MTDH: variants seen among roughly 807,000 people sequenced by gnomAD.
MTDH encodes metadherin.
In MTDH, 34 loss-of-function variants were observed where a neutral mutation model predicts 72.7. The ratio of observed to expected loss-of-function variants is 0.47; its 90% confidence interval spans 0.36 to 0.62. The LOEUF (loss-of-function observed/expected upper bound fraction) is 0.62, where lower values mean the gene tolerates loss of function less well. MTDH is among the 20% of genes least tolerant of loss of function. MTDH has a pLI of 0.00. For synonymous variants in MTDH, 266 were observed against 268.9 expected, an observed-to-expected ratio of 0.99 and a Z score of 0.10; for missense variants, 677 against 699.4, an observed-to-expected ratio of 0.97 and a Z score of 0.36.
rs1812165315 is a variant in MTDH at position 97,661,320 on chromosome 8, G to T, written c.483+147G>T. 12 of 539,540 alleles carry T rather than the reference G, an allele frequency of 2.2e-5. No individual in the cohort carries two copies. In the East Asian group the frequency reaches 3.7e-4, roughly 17 times the overall value. The allele number at this position is 539,540 out of a possible 1,614,324, so 33.4% of individuals were successfully genotyped here. The stretch of plus-strand genomic sequence containing the variant: ...CTGAATTAACCATAGTGGATGGGTG[G>T]TAAAAGTTTAACTGAGTTGTTTTTG... On this transcript the variant is annotated intron_variant, in intron 2 of 11. Coordinates refer to ENST00000336273, the MANE Select transcript of MTDH (RefSeq NM_178812.4).
At chr8:97,703,487 A>G (rs1814221048) in intron 7 of MTDH, among the ~76,000 whole-genome samples, 2 of 152,320 alleles carry the variant, frequency 1.3e-5, no homozygotes, top group Non-Finnish European at 1.5e-5. Flanking sequence ...CTTCTGCTTA[A>G]TAGTTTCTTT....
intron 2 of MTDH, among the ~76,000 whole-genome samples, chr8:97,682,590 C>T (rs935519330): frequency 1.3e-5 from 2 of 151,540 alleles, no homozygotes; most frequent in Admixed American, 6.6e-5. Context: ...CGTGAGCCAC[C>T]GCACCTGGCC....
At chr8:97,722,846 C>A in intron 10 of MTDH, 33 bp from the exon 11 acceptor site, 1 of 1,570,850 alleles carries the variant, frequency 6.4e-7, no homozygotes, top group East Asian at 2.3e-5. Context: ...AAAATTTCAC[C>A]AAAAAACCTG....
At chr8:97,717,099 T>A (rs540544855) in intron 9 of MTDH, among the ~76,000 whole-genome samples, 1 of 152,324 alleles carries the variant, frequency 6.6e-6, no homozygotes, top group East Asian at 1.9e-4. Flanking sequence ...TGAAAAACTT[T>A]GTAAGATTAC....
At chr8:97,657,447 G>T (rs907215582) in intron 1 of MTDH, among the ~76,000 whole-genome samples, 2 of 152,086 alleles carry the variant, frequency 1.3e-5, no homozygotes, top group African/African-American at 4.8e-5. Context: ...TCTGTAGAAA[G>T]CCACCATATA....
At position 97,722,930 on chromosome 8, in the gene MTDH, T is replaced by C. The variant is rs1402623542; in HGVS notation, c.1573T>C (p.Ser525Pro). ...TTCTACCGAGCCATCTGTAATCTTA[T>C]CAAAAAGTGATTCTGACAAGAGCTC... ...ATSTEPSVIL[S>P]KSDSDKSSSQ... is the part of the protein sequence containing the mutation. Residue 525 changes from serine (S) to proline (P), a missense_variant, in exon 11 of 12, where the codon TCA (serine) becomes CCA (proline). Physicochemically the swap from Ser to Pro is moderately conservative, Grantham distance 74. Transcript: ENST00000336273. The C allele has an allele frequency of 4.3e-6, 7 of 1,613,950 alleles. No homozygotes were observed. The highest frequency in any genetic ancestry group is 4.0e-5 in the African/African-American group (3 of 74,922).
At chr8:97,700,182 T>G (rs1291481232) in intron 7 of MTDH, among the ~76,000 whole-genome samples, 1 of 152,200 alleles carries the variant, frequency 6.6e-6, no homozygotes, top group Non-Finnish European at 1.5e-5. Context: ...AGAAATGGCT[T>G]TGTATTTGTG....
At chr8:97,645,020 G>A (rs1811510411) in intron 1 of MTDH, 133 bp downstream of exon 1, 1 of 1,019,322 alleles carries the variant, frequency 9.8e-7, no homozygotes, top group Non-Finnish European at 1.4e-6. Flanking sequence ...GCACTCCCAA[G>A]TGGAGGAGGA....
At chr8:97,698,585 A>G (rs1458041915) in intron 6 of MTDH, among the ~76,000 whole-genome samples, 1 of 152,176 alleles carries the variant, frequency 6.6e-6, no homozygotes, top group Non-Finnish European at 1.5e-5. Context: ...CTTTAAATGC[A>G]CTTGAACTTA....
At chr8:97,672,456 A>G (rs1327717162) in intron 2 of MTDH, among the ~76,000 whole-genome samples, 1 of 152,140 alleles carries the variant, frequency 6.6e-6, no homozygotes, top group Non-Finnish European at 1.5e-5. Flanking sequence ...TTGGGTTCCC[A>G]CCCAAGGAAT....
intron 2 of MTDH, among the ~76,000 whole-genome samples, chr8:97,677,915 C>T (rs1171819070): frequency 1.3e-5 from 2 of 152,052 alleles, no homozygotes; most frequent in Non-Finnish European, 2.9e-5. Context: ...GAAAGAAATA[C>T]TATGGGGAAA....
chr8:97,666,112 A>G (rs1454755250), intron 2 of MTDH, among the ~76,000 whole-genome samples: 1 of 147,468 alleles, frequency 6.8e-6, no homozygotes, highest in Non-Finnish European at 1.5e-5. Context: ...TGGGCGACAG[A>G]GCGAGACTCC....
At chr8:97,651,753 G>T (rs144976989) in intron 1 of MTDH, among the ~76,000 whole-genome samples, 309 of 152,250 alleles carry the variant, frequency 2.0e-3, no homozygotes, top group African/African-American at 6.4e-3. Flanking sequence ...ATGTCTACAT[G>T]TATGCTTGAT....
At chr8:97,714,145 C>T (rs956209458) in intron 9 of MTDH, among the ~76,000 whole-genome samples, 8 of 152,152 alleles carry the variant, frequency 5.3e-5, no homozygotes, top group Non-Finnish European at 1.0e-4. Flanking sequence ...TGGAGTCTTT[C>T]ACTTGACTTT....
chr8:97,667,229 A>G (rs1260580278), intron 2 of MTDH, among the ~76,000 whole-genome samples: 1 of 152,190 alleles, frequency 6.6e-6, no homozygotes, highest in Non-Finnish European at 1.5e-5. Context: ...AAAGCAGTCC[A>G]CCTGCCTTGG....
At chr8:97,659,266 C>T (rs1415003329) in intron 1 of MTDH, among the ~76,000 whole-genome samples, 2 of 151,816 alleles carry the variant, frequency 1.3e-5, no homozygotes. Context: ...CGTACTACCT[C>T]CCTCTTCCTT....
Position 97,718,499 on chromosome 8 carries a change from T to TTTTTTG in MTDH, c.1381-532_1381-527dup, listed in dbSNP as rs1264930840. On this transcript the variant is annotated intron_variant, in intron 9 of 11. Transcript: ENST00000336273. The stretch of plus-strand genomic sequence containing the variant: ...TAAGTGAAGTGTTTTTTGTGGGTTT[T>TTTTTTG]TTTTTGTTTTTGTTTTTGTTTTTTT... Among the ~76,000 whole-genome samples, 13 of 147,680 alleles carry TTTTTTG rather than the reference T, an allele frequency of 8.8e-5. No homozygotes were observed. The South Asian group carries it at 1.1e-3, about 12-fold the overall frequency.
At chr8:97,665,091 G>C (rs947888261) in intron 2 of MTDH, among the ~76,000 whole-genome samples, 1 of 152,054 alleles carries the variant, frequency 6.6e-6, no homozygotes, top group African/African-American at 2.4e-5. Flanking sequence ...ATACATCTTT[G>C]ATCTTATGCA....
At chr8:97,702,002 C>A (rs142381511) in intron 7 of MTDH, among the ~76,000 whole-genome samples, 359 of 152,162 alleles carry the variant, frequency 2.4e-3, no homozygotes, top group African/African-American at 8.4e-3. Flanking sequence ...TCTGTGTCAC[C>A]ATCTTTAATG....
Sources: gnomAD v4.1 joint callset for allele counts (sites outside exome capture counted in the v4.1 genomes callset) on GRCh38, gnomAD v4.1.1 for gene constraint, MANE v1.5 for transcripts, NCBI Gene and HGNC (gene_info 2026-07-23, HGNC 2026-07-21) for gene names.